GLI2: variants seen among roughly 807,000 people sequenced by gnomAD.
GLI2 encodes the protein transcription activator GLI2.
GLI2 carries 22 observed loss-of-function variants against 78.9 expected under a neutral mutation model. The observed-to-expected ratio is 0.28, with a 90% CI of 0.20 to 0.40. The LOEUF is 0.40. GLI2 is among the 10% of genes least tolerant of loss of function. The pLI is 1.00. For synonymous variants in GLI2, 974 were observed against 963.7 expected, an observed-to-expected ratio of 1.01 and a Z score of -0.20; for missense variants, 2,097 against 2,213.2, an observed-to-expected ratio of 0.95 and a Z score of 1.05.
chr2:120,806,751 G>A (rs1684974024), intron 2 of GLI2, among the ~76,000 whole-genome samples: 1 of 152,210 alleles, frequency 6.6e-6, no homozygotes, highest in African/African-American at 2.4e-5. Context: ...CTCCACTGAA[G>A]TCTCTTTGAA....
At chr2:120,739,267 T>G (rs556293511) in intron 1 of GLI2, among the ~76,000 whole-genome samples, 24 of 152,244 alleles carry the variant, frequency 1.6e-4, no homozygotes, top group Middle Eastern at 6.8e-3. Context: ...CCTTCTTCCA[T>G]TGTCCCCCAC....
At chr2:120,975,411 T>G (rs1236640026) in intron 9 of GLI2, among the ~76,000 whole-genome samples, 2 of 151,730 alleles carry the variant, frequency 1.3e-5, no homozygotes, top group African/African-American at 4.8e-5. Context: ...AAAAACCGAG[T>G]GCTTTGAGCT....
intron 1 of GLI2, among the ~76,000 whole-genome samples, chr2:120,782,752 C>T (rs1683883753): frequency 6.6e-6 from 1 of 152,216 alleles, no homozygotes; most frequent in Non-Finnish European, 1.5e-5. Context: ...ACCAGCATCC[C>T]TGGTCTCAAC....
chr2:120,816,475 A>G (rs1294982486), intron 2 of GLI2, among the ~76,000 whole-genome samples: 2 of 152,046 alleles, frequency 1.3e-5, no homozygotes, highest in African/African-American at 4.8e-5. Context: ...GATTACAGGC[A>G]TAAGCCACGG....
At chr2:120,942,843 T>C (rs1025443411) in intron 3 of GLI2, among the ~76,000 whole-genome samples, 14 of 141,234 alleles carry the variant, frequency 9.9e-5, no homozygotes, top group Admixed American at 8.0e-4. Flanking sequence ...CATTCATTCA[T>C]TCATTCGTTC....
At chr2:120,741,111 C>A (rs1682524397) in intron 1 of GLI2, among the ~76,000 whole-genome samples, 1 of 152,212 alleles carries the variant, frequency 6.6e-6, no homozygotes, top group African/African-American at 2.4e-5. Flanking sequence ...TTTGTATTTC[C>A]CAGACTTACA....
intron 2 of GLI2, among the ~76,000 whole-genome samples, chr2:120,881,545 GA>G (rs1677125826): frequency 8.3e-6 from 1 of 120,632 alleles, no homozygotes; most frequent in Non-Finnish European, 1.7e-5. Flanking sequence ...GACAGTGGGG[GA>G]AAGACAGTGG....
At chr2:120,940,027 C>A (rs1680380914) in intron 3 of GLI2, among the ~76,000 whole-genome samples, 2 of 152,186 alleles carry the variant, frequency 1.3e-5, no homozygotes, top group Non-Finnish European at 2.9e-5. Flanking sequence ...TGCTAATGAA[C>A]CTTGAGTGTT....
chr2:120,973,633 A>G (rs576311363), intron 8 of GLI2, among the ~76,000 whole-genome samples: 124 of 152,346 alleles, frequency 8.1e-4, no homozygotes, highest in African/African-American at 2.9e-3. Flanking sequence ...GTCTCACCCC[A>G]ACAGCCCCCA....
At chr2:120,956,482 C>T (rs1232394524) in intron 5 of GLI2, among the ~76,000 whole-genome samples, 3 of 152,092 alleles carry the variant, frequency 2.0e-5, no homozygotes, top group Non-Finnish European at 4.4e-5. Context: ...GCAAGGAGCC[C>T]GTCTCAAGGA....
chr2:120,970,536 C>T lies in GLI2; in HGVS notation c.989C>T (p.Ala330Val). ...ACCTTCCTGGCCCAGCAGCCCATGG[C>T]CCTCACCTCCATCAATGCCACGCCC... ...SPTFLAQQPM[A>V]LTSINATPTQ... is the part of the protein sequence containing the mutation. Residue 330 changes from alanine to valine, a missense_variant, in exon 7 of 14, where the codon GCC becomes GTC. Physicochemically the swap from Ala to Val is moderately conservative, Grantham distance 64 (BLOSUM62 0). Coordinates refer to ENST00000361492, the MANE Select transcript of GLI2 (RefSeq NM_001374353.1). 6.2e-7 allele frequency: 1 copy of T among 1,614,140 alleles called. No individual in the cohort carries two copies. The highest frequency in any genetic ancestry group is 1.3e-5 in the African/African-American group (1 of 75,034).
chr2:120,954,943 G>A (rs988941015), intron 4 of GLI2, among the ~76,000 whole-genome samples: 2 of 152,082 alleles, frequency 1.3e-5, no homozygotes, highest in Non-Finnish European at 2.9e-5. Context: ...GGGGCTCCGG[G>A]ATTCTGAGGG....
chr2:120,975,652 T>C (rs1249507374), intron 9 of GLI2, among the ~76,000 whole-genome samples: 5 of 152,184 alleles, frequency 3.3e-5, no homozygotes, highest in African/African-American at 4.8e-5. Context: ...TAACAGTGCC[T>C]GAGTACTGAC....
At position 120,951,490 on chromosome 2, in the gene GLI2, G is replaced by A. The variant is rs745310646; in HGVS notation, c.457+45G>A. 7.1e-6 allele frequency: 9 copies of A among 1,263,094 alleles called. No homozygotes were observed. The South Asian group carries it at 1.0e-4, about 14-fold the overall frequency. 78.2% of individuals were successfully genotyped at this position (1,263,094 alleles called of 1,614,324 possible). On this transcript the variant is annotated intron_variant, in intron 4 of 13. Transcript: ENST00000361492. Reference sequence around the variant, plus strand: ...GGGGAGGGGCAGCTAGGGCACTGGGGCAGGGCGCAGCCAGCCTCTCTCACG... The same window carrying A: ...GGGGAGGGGCAGCTAGGGCACTGGGACAGGGCGCAGCCAGCCTCTCTCACG...
In GLI2 at chr2:120,951,455, G is replaced by A. The variant is rs753222623; in HGVS notation, c.457+10G>A. ...CTCAGCCCCGCTGATGGTGAGTAGG[G>A]TGTGGGGATGGGGAGGGGCAGCTAG... On this transcript the variant is annotated intron_variant, in intron 4 of 13. Transcript: ENST00000361492. The A allele has an allele frequency of 6.9e-6, 11 of 1,588,194 alleles. No homozygotes were observed. Among genetic ancestry groups the A allele is most frequent in the Non-Finnish European group, 8.6e-6 (10 of 1,159,108 alleles).
At chr2:120,821,322 G>A (rs1685764204) in intron 2 of GLI2, among the ~76,000 whole-genome samples, 1 of 152,178 alleles carries the variant, frequency 6.6e-6, no homozygotes, top group Non-Finnish European at 1.5e-5. Flanking sequence ...TGGATGTTGG[G>A]AGAAAAATGT....
chr2:120,989,817 A>G lies in GLI2; in HGVS notation c.3852A>G (p.Glu1284=), dbSNP rs143851238. The G allele has an allele frequency of 6.2e-7, 1 of 1,611,484 alleles. No homozygotes were observed. The highest frequency in any genetic ancestry group is 1.3e-5 in the African/African-American group (1 of 74,918). Residue 1284 remains glutamate (E), a synonymous_variant, in exon 14 of 14, where the codon GAA becomes GAG. Transcript: ENST00000361492. ...DPTTMGNRHR[E]LGVPDSALAG... ...CCACGATGGGCAATCGCCACAGGGA[A>G]CTTGGGGTCCCCGATTCAGCCCTGG...
At chr2:120,781,654 G>A (rs991296650) in intron 1 of GLI2, among the ~76,000 whole-genome samples, 3 of 152,292 alleles carry the variant, frequency 2.0e-5, no homozygotes, top group South Asian at 4.1e-4. Flanking sequence ...AGGCCGAGGC[G>A]GGTGGATCAC....
intron 1 of GLI2, among the ~76,000 whole-genome samples, chr2:120,755,112 A>C (rs1683002434): frequency 6.6e-6 from 1 of 152,180 alleles, no homozygotes; most frequent in African/African-American, 2.4e-5. Flanking sequence ...TGGCCTCCCA[A>C]AGTGCTGGGA....
Sources: gnomAD v4.1 joint callset for allele counts (sites outside exome capture counted in the v4.1 genomes callset) on GRCh38, gnomAD v4.1.1 for gene constraint, MANE v1.5 for transcripts, NCBI Gene and HGNC (gene_info 2026-07-23, HGNC 2026-07-21) for gene names.